Variants in DLC1 observed in about 807,000 individuals in gnomAD.
DLC1 encodes the protein DLC1 Rho GTPase activating protein.
In DLC1, 54 loss-of-function variants were observed where a neutral mutation model predicts 140.3. The observed-to-expected ratio is 0.38, with a 90% CI of 0.31 to 0.48. The LOEUF is 0.48. Ranked by LOEUF, DLC1 falls within the 20% of genes least tolerant of loss-of-function variation. The probability of loss-of-function intolerance (pLI) is 0.96; values close to 1 mark genes in which losing one functional copy is unlikely to be tolerated. For missense variants in DLC1, 2,536 were observed against 1,907.0 expected, an observed-to-expected ratio of 1.33 and a Z score of -6.14; for synonymous variants, 986 against 728.1, an observed-to-expected ratio of 1.35 and a Z score of -5.70.
intron 5 of DLC1, among the ~76,000 whole-genome samples, chr8:13,289,804 C>G (rs183090462): frequency 7.8e-4 from 119 of 152,246 alleles, no homozygotes; most frequent in Admixed American, 2.5e-3. Context: ...GCGTGACACC[C>G]AGCTTCTCAT....
intron 5 of DLC1, among the ~76,000 whole-genome samples, chr8:13,155,246 C>T (rs1010715280): frequency 6.6e-6 from 1 of 150,936 alleles, no homozygotes; most frequent in South Asian, 2.1e-4. Context: ...TTTAACTAGT[C>T]TTCTGTTGAT....
At chr8:13,389,654 A>G (rs1015504012) in intron 4 of DLC1, among the ~76,000 whole-genome samples, 1 of 152,162 alleles carries the variant, frequency 6.6e-6, no homozygotes, top group African/African-American at 2.4e-5. Flanking sequence ...AAATCTGATG[A>G]TGACTCATCG....
At chr8:13,465,702 G>A (rs1185665852) in intron 2 of DLC1, among the ~76,000 whole-genome samples, 1 of 151,892 alleles carries the variant, frequency 6.6e-6, no homozygotes, top group Non-Finnish European at 1.5e-5. Flanking sequence ...TCCTTATACT[G>A]TGTTTCTCTA....
At chr8:13,127,875 G>C (rs948352836) in intron 5 of DLC1, among the ~76,000 whole-genome samples, 2 of 152,242 alleles carry the variant, frequency 1.3e-5, no homozygotes, top group African/African-American at 2.4e-5. Flanking sequence ...ATGTGGATGG[G>C]AGGTGCCAAA....
At chr8:13,354,126 C>CTTGG in intron 4 of DLC1, among the ~76,000 whole-genome samples, 1 of 151,832 alleles carries the variant, frequency 6.6e-6, no homozygotes, top group Non-Finnish European at 1.5e-5. Context: ...CATGTCTTTG[C>CTTGG]TTGGCTCATT....
chr8:13,181,160 C>T (rs28481285), intron 5 of DLC1, among the ~76,000 whole-genome samples: 18,660 of 151,788 alleles, frequency 0.12, 1,955 homozygotes, highest in East Asian at 0.31. Flanking sequence ...AAAAGAAACC[C>T]AGGAACAAAA....
chr8:13,297,282 T>TAAAAAAAAAAAAA (rs60048506), intron 5 of DLC1, among the ~76,000 whole-genome samples: 135 of 9,626 alleles, frequency 0.014, 37 homozygotes, highest in South Asian at 0.051. Flanking sequence ...CTTCATACAT[T>TAAAAAAAAAAAAA]AAAAAAAAAA....
At chr8:13,583,206 C>T (rs1805177745) in intron 1 of DLC1, among the ~76,000 whole-genome samples, 1 of 152,110 alleles carries the variant, frequency 6.6e-6, no homozygotes, top group African/African-American at 2.4e-5. Flanking sequence ...TGTTTGATAG[C>T]ATTTTACCCA....
At chr8:13,529,141 A>G (rs973421993) in intron 1 of DLC1, among the ~76,000 whole-genome samples, 8 of 152,336 alleles carry the variant, frequency 5.3e-5, no homozygotes, top group Admixed American at 5.2e-4. Flanking sequence ...TTTTCTTAAA[A>G]TAAAATGGGC....
chr8:13,209,665 A>G (rs1400201814), intron 5 of DLC1, among the ~76,000 whole-genome samples: 1 of 151,990 alleles, frequency 6.6e-6, no homozygotes. Flanking sequence ...TCCTCTTGGT[A>G]CTGTCCTCGT....
chr8:13,216,165 G>T (rs902450132), intron 5 of DLC1, among the ~76,000 whole-genome samples: 1 of 152,070 alleles, frequency 6.6e-6, no homozygotes, highest in African/African-American at 2.4e-5. Context: ...CACCAACTCA[G>T]TTTAGCAACA....
chr8:13,550,043 C>G (rs901948885), intron 1 of DLC1, among the ~76,000 whole-genome samples: 2 of 152,088 alleles, frequency 1.3e-5, no homozygotes, highest in Non-Finnish European at 2.9e-5. Flanking sequence ...AGACTCTAGT[C>G]TGAGAAACAG....
intron 4 of DLC1, among the ~76,000 whole-genome samples, chr8:13,344,079 C>A (rs1251811448): frequency 1.3e-5 from 2 of 152,172 alleles, no homozygotes; most frequent in South Asian, 4.1e-4. Flanking sequence ...GTCCTACAAA[C>A]TATTCATTTA....
intron 5 of DLC1, among the ~76,000 whole-genome samples, chr8:13,137,154 G>T (rs1476479898): frequency 2.0e-5 from 3 of 152,174 alleles, no homozygotes; most frequent in Non-Finnish European, 4.4e-5. Flanking sequence ...AAAAAATCAT[G>T]AAGAGTGTCA....
chr8:13,539,594 T>C (rs1803416719), intron 1 of DLC1, among the ~76,000 whole-genome samples: 2 of 152,152 alleles, frequency 1.3e-5, no homozygotes, highest in Non-Finnish European at 2.9e-5. Flanking sequence ...ATCTACCCCT[T>C]GAGGCCAGGA....
Position 13,499,639 on chromosome 8 carries a change from C to A in DLC1, c.433G>T (p.Gly145Cys). The change falls in exon 2 of 18, where the codon GGC (glycine) becomes TGC (cysteine). Residue 145 changes from glycine (G) to cysteine (C), a missense_variant. Gly to Cys is a radical substitution (Grantham distance 159). Transcript: ENST00000276297. ...ATGGGCAGTGCCTTTTCTAAGGAGC[C>A]TGCTCCTTGGATCATATGTTGGCCT... ...TSGQHMIQGA[G>C]SLEKALPIIQ... The A allele has an allele frequency of 6.2e-7, 1 of 1,614,148 alleles. No individual in the cohort carries two copies. The highest frequency in any genetic ancestry group is 2.2e-5 in the East Asian group (1 of 44,874).
chr8:13,452,068 A>G (rs571503506), intron 2 of DLC1, among the ~76,000 whole-genome samples: 1 of 152,220 alleles, frequency 6.6e-6, no homozygotes, highest in South Asian at 2.1e-4. Context: ...GCTGCATTTG[A>G]CATCCAATTT....
chr8:13,541,314 C>T (rs1298865903), intron 1 of DLC1, among the ~76,000 whole-genome samples: 2 of 149,770 alleles, frequency 1.3e-5, no homozygotes, highest in Non-Finnish European at 2.9e-5. Context: ...TAAGTAAATA[C>T]CTAGAAATGG....
At chr8:13,410,735 C>G (rs1389351643) in intron 2 of DLC1, among the ~76,000 whole-genome samples, 1 of 151,972 alleles carries the variant, frequency 6.6e-6, no homozygotes, top group Non-Finnish European at 1.5e-5. Context: ...GAGGAAAGTT[C>G]CAACATACTG....
Sources: gnomAD v4.1 joint callset for allele counts (sites outside exome capture counted in the v4.1 genomes callset) on GRCh38, gnomAD v4.1.1 for gene constraint, MANE v1.5 for transcripts, NCBI Gene and HGNC (gene_info 2026-07-23, HGNC 2026-07-21) for gene names.